Variants in KCNQ1 observed in about 807,000 individuals in gnomAD.
The protein encoded by KCNQ1 is potassium voltage-gated channel subfamily Q member 1.
A neutral mutation model predicts 72.4 loss-of-function variants in KCNQ1; 49 were observed. The observed-to-expected ratio is 0.68, with a 90% CI of 0.54 to 0.86. The LOEUF is 0.86. Ranked by LOEUF, KCNQ1 falls within the 40% of genes least tolerant of loss-of-function variation. The pLI is 0.00. For missense variants in KCNQ1, 790 were observed against 945.1 expected (o/e 0.84, Z 2.15); for synonymous variants, 450 against 412.6 (o/e 1.09, Z -1.10).
intron 1 of KCNQ1, among the ~76,000 whole-genome samples, chr11:2,490,664 C>T (rs1481493467): frequency 6.6e-6 from 1 of 152,204 alleles, no homozygotes; most frequent in Non-Finnish European, 1.5e-5. Flanking sequence ...TGGATCTTAT[C>T]TAAGACCACC....
At chr11:2,796,914 G>A (rs541235424) in intron 15 of KCNQ1, among the ~76,000 whole-genome samples, 15 of 152,344 alleles carry the variant, frequency 9.8e-5, no homozygotes, top group Admixed American at 3.3e-4. Context: ...TATCCCGACC[G>A]TAAATGGTTT....
At position 2,497,048 on chromosome 11, in the gene KCNQ1, G is replaced by A. The variant is rs1846934914; in HGVS notation, c.387-30880G>A. ...CAGAGAGATTTGCTGTTAGTCTGAT[G>A]CACTTCTCTTTGTAGGTAACCTGAC... On this transcript the variant is annotated intron_variant, in intron 1 of 15. Transcript: ENST00000155840. The surrounding 1 kb of genome is among the most constrained non-coding windows in gnomAD (Gnocchi z 4.5). 6.6e-6 allele frequency among the ~76,000 whole-genome samples: 1 copy of A among 152,158 alleles called. No individual in the cohort carries two copies. The highest frequency in any genetic ancestry group is 2.1e-4 in the South Asian group (1 of 4,826).
At chr11:2,656,772 A>G (rs1291637494) in intron 10 of KCNQ1, 3 of 398,506 alleles carry the variant, frequency 7.5e-6, no homozygotes, top group African/African-American at 6.2e-5. Flanking sequence ...CTTCTTTTAA[A>G]AAAAACCATC....
In KCNQ1 at chr11:2,509,391, C is replaced by G. The variant is rs1348610371; in HGVS notation, c.387-18537C>G. On this transcript the variant is annotated intron_variant, in intron 1 of 15. Coordinates refer to ENST00000155840, the MANE Select transcript of KCNQ1 (RefSeq NM_000218.3). This position sits in a 1 kb window ranked among gnomAD's most constrained non-coding sequence, Gnocchi z 6.3. The stretch of plus-strand genomic sequence containing the variant: ...GCAAACCCCATCTTCCTGTCCAAAG[C>G]CAGACTTGGCTCCCTTTGCTCCAGT... Among the ~76,000 whole-genome samples the G allele has an allele frequency of 2.6e-5, 4 of 152,150 alleles. No individual in the cohort carries two copies. The highest frequency in any genetic ancestry group is 5.9e-5 in the Non-Finnish European group (4 of 68,038).
chr11:2,794,335 T>C (rs956178219), intron 15 of KCNQ1, among the ~76,000 whole-genome samples: 1 of 152,186 alleles, frequency 6.6e-6, no homozygotes, highest in African/African-American at 2.4e-5. Context: ...TGGGGATGCT[T>C]TGCTCGGAGG....
At chr11:2,540,524 C>T (rs1318225976) in intron 2 of KCNQ1, among the ~76,000 whole-genome samples, 2 of 152,218 alleles carry the variant, frequency 1.3e-5, no homozygotes, top group African/African-American at 4.8e-5. Flanking sequence ...ACTGGGGTAC[C>T]TGGGGCCAGG....
At chr11:2,524,280 C>T (rs1232288793) in intron 1 of KCNQ1, among the ~76,000 whole-genome samples, 1 of 152,232 alleles carries the variant, frequency 6.6e-6, no homozygotes, top group Non-Finnish European at 1.5e-5. Flanking sequence ...CGTCTCATAC[C>T]GAGGGTCAAA....
Position 2,668,244 on chromosome 11 carries a change from T to C in KCNQ1, c.1514+6163T>C. The C allele has an allele frequency of 2.5e-6, 1 of 398,674 alleles. No homozygotes were observed. The highest frequency in any genetic ancestry group is 4.4e-6 in the Non-Finnish European group (1 of 226,090). 24.7% of individuals were successfully genotyped at this position (398,674 alleles called of 1,614,324 possible). The stretch of plus-strand genomic sequence containing the variant: ...CCACCTGTGGCCAGCAGGCAGTTTC[T>C]GGTGTAGGTTGCTGTTTAAGAATAT... On this transcript the variant is annotated intron_variant, in intron 11 of 15. Coordinates refer to ENST00000155840, the MANE Select transcript of KCNQ1 (RefSeq NM_000218.3). The surrounding 1 kb of genome is among the most constrained non-coding windows in gnomAD (Gnocchi z 4.3).
chr11:2,741,449 G>A (rs957331285), intron 11 of KCNQ1, among the ~76,000 whole-genome samples: 1 of 152,130 alleles, frequency 6.6e-6, no homozygotes, highest in Non-Finnish European at 1.5e-5. Flanking sequence ...ACACGTGTAC[G>A]CACAAACGCA....
At chr11:2,455,657 C>A (rs1324975270) in intron 1 of KCNQ1, among the ~76,000 whole-genome samples, 1 of 152,170 alleles carries the variant, frequency 6.6e-6, no homozygotes, top group African/African-American at 2.4e-5. Flanking sequence ...TCTACAGATT[C>A]AATGCTATTC....
rs561696974 is a variant in KCNQ1, at chr11:2,621,098, C to A, written c.1393+32244C>A. 29 of 397,276 alleles carry A rather than the reference C, an allele frequency of 7.3e-5. No individual in the cohort carries two copies. In the South Asian group the frequency reaches 3.6e-3, roughly 49 times the overall value. The allele number at this position is 397,276 out of a possible 1,614,324, so 24.6% of individuals were successfully genotyped here. A position where few individuals can be genotyped will look rare whatever the true frequency, so the allele number is the denominator to read the frequency against. The stretch of plus-strand genomic sequence containing the variant: ...GTTCAAGCAATTCTCCTGTCTCAGA[C>A]TCCTGAGTAGCTGGGATTACAGGTG... On this transcript the variant is annotated intron_variant, in intron 10 of 15. Coordinates refer to ENST00000155840, the MANE Select transcript of KCNQ1 (RefSeq NM_000218.3). The surrounding 1 kb of genome is among the most constrained non-coding windows in gnomAD (Gnocchi z 5.7).
intron 10 of KCNQ1, chr11:2,643,440 A>G (rs1415132203): frequency 2.5e-6 from 1 of 398,124 alleles, no homozygotes; most frequent in Admixed American, 4.4e-5. Context: ...TTTTTAGCTT[A>G]ACCTTTGTTT....
In KCNQ1 at chr11:2,711,787, G is replaced by A. The variant is rs780425245; in HGVS notation, c.1514+49706G>A. 3.9e-5 allele frequency among the ~76,000 whole-genome samples: 6 copies of A among 152,164 alleles called. No individual in the cohort carries two copies. The highest frequency in any genetic ancestry group is 7.3e-5 in the Non-Finnish European group (5 of 68,032). On this transcript the variant is annotated intron_variant, in intron 11 of 15. Coordinates refer to ENST00000155840, the MANE Select transcript of KCNQ1 (RefSeq NM_000218.3). This position sits in a 1 kb window ranked among gnomAD's most constrained non-coding sequence, Gnocchi z 5.4. The stretch of plus-strand genomic sequence containing the variant: ...TATTTTTCAAATTTCCTTTCAACTC[G>A]AGGGTCTCAAATCCACTCAGCAGAC...
chr11:2,688,954 G>A, intron 11 of KCNQ1: 1 of 398,828 alleles, frequency 2.5e-6, no homozygotes, highest in Non-Finnish European at 4.4e-6. Flanking sequence ...ACTGGGCCTA[G>A]GGCTCTGAGA....
rs1848184867 is a variant in KCNQ1, at chr11:2,562,396, C to T, written c.478-8232C>T. 6.6e-6 allele frequency among the ~76,000 whole-genome samples: 1 copy of T among 152,174 alleles called. No homozygotes were observed. Among genetic ancestry groups the T allele is most frequent in the Admixed American group, 6.5e-5 (1 of 15,284 alleles). ...CATTGCCCTCCGGCCAGCTGACCCT[C>T]CCCGGAGCCGAGGCTGGCTCTCTCT... On this transcript the variant is annotated intron_variant, in intron 2 of 15. Coordinates refer to ENST00000155840, the MANE Select transcript of KCNQ1 (RefSeq NM_000218.3). The surrounding 1 kb of genome is among the most constrained non-coding windows in gnomAD (Gnocchi z 7.5).
rs918365566 is a variant in KCNQ1 at position 2,481,230 on chromosome 11, A to G, written c.386+35746A>G. ...TTAGTAGATCAGTTTTTCTGATTGTAAAGTTCAGAAATGTTAATCAGAGAA... is the reference window on the plus strand; with the variant it reads ...TTAGTAGATCAGTTTTTCTGATTGTGAAGTTCAGAAATGTTAATCAGAGAA... On this transcript the variant is annotated intron_variant, in intron 1 of 15. Coordinates refer to ENST00000155840, the MANE Select transcript of KCNQ1 (RefSeq NM_000218.3). This position sits in a 1 kb window ranked among gnomAD's most constrained non-coding sequence, Gnocchi z 4.6. Among the ~76,000 whole-genome samples, 7 of 152,232 alleles carry G rather than the reference A, an allele frequency of 4.6e-5. No homozygotes were observed. The highest frequency in any genetic ancestry group is 2.1e-4 in the South Asian group (1 of 4,824).
chr11:2,697,151 G>A (rs1284426932), intron 11 of KCNQ1: 1 of 398,386 alleles, frequency 2.5e-6, no homozygotes, highest in Non-Finnish European at 4.4e-6. Flanking sequence ...TGACCCCAGT[G>A]GAATATGTGC....
chr11:2,640,623 G>A, intron 10 of KCNQ1: 1 of 396,098 alleles, frequency 2.5e-6, no homozygotes, highest in Non-Finnish European at 4.4e-6. Flanking sequence ...ATTGTTACAT[G>A]CATCGAATGT....
Position 2,848,222 on chromosome 11 carries a change from G to A in KCNQ1, c.*219G>A, listed in dbSNP as rs45477500. 7,401 of 662,384 alleles carry A rather than the reference G, an allele frequency of 0.011. 61 individuals carry two copies. The highest frequency in any genetic ancestry group is 0.016 in the Non-Finnish European group (5,972 of 365,774). The allele number at this position is 662,384 out of a possible 1,614,324, so 41.0% of individuals were successfully genotyped here. A position where few individuals can be genotyped will look rare whatever the true frequency, so the allele number is the denominator to read the frequency against. On this transcript the variant is annotated 3_prime_UTR_variant, in exon 16 of 16. Coordinates refer to ENST00000155840, the MANE Select transcript of KCNQ1 (RefSeq NM_000218.3). ...TGGCCGGTGTGGGGGCCCCGTCTCA[G>A]GTCTGAGTTGTTACCCCAAGCGCCC...
Sources: allele counts gnomAD v4.1 joint callset (sites outside exome capture counted in the v4.1 genomes callset), GRCh38; gene constraint gnomAD v4.1.1; non-coding constraint Gnocchi (gnomAD v3.1); transcripts MANE v1.5; gene names NCBI Gene and HGNC (gene_info 2026-07-23, HGNC 2026-07-21).